Variants in EP300 observed in about 807,000 individuals in gnomAD.
EP300 encodes histone acetyltransferase p300.
In EP300, 31 loss-of-function variants were observed where a neutral mutation model predicts 264.0. The ratio of observed to expected loss-of-function variants is 0.12; its 90% CI spans 0.09 to 0.16. EP300 has a LOEUF of 0.16. Among genes scored for constraint, EP300 ranks in the 10% least tolerant of loss-of-function variants. The pLI is 1.00. For synonymous variants in EP300, 1,340 were observed against 1,045.4 expected, an observed-to-expected ratio of 1.28 and a Z score of -5.44; for missense variants, 2,766 against 3,052.9, an observed-to-expected ratio of 0.91 and a Z score of 2.21.
rs35531014 is a variant in EP300, at chr22:41,136,021, A to G, written c.1622+115A>G. 17,956 of 822,032 alleles carry G rather than the reference A, an allele frequency of 0.022. 255 individuals are homozygous for G. The highest frequency in any genetic ancestry group is 0.027 in the Non-Finnish European group (12,937 of 480,100). 50.9% of individuals were successfully genotyped at this position (822,032 alleles called of 1,614,324 possible). ...GGTTTGAGGATGTCTTTGAATACAG[A>G]TAGATGTTTGAGTCCATTCTTTCTT... On this transcript the variant is annotated intron_variant, in intron 7 of 30. Transcript: ENST00000263253.
intron 1 of EP300, among the ~76,000 whole-genome samples, chr22:41,104,383 C>A (rs540626544): frequency 1.3e-5 from 2 of 151,758 alleles, no homozygotes; most frequent in African/African-American, 2.4e-5. Flanking sequence ...TCTGCCTCCC[C>A]GGTTCAAGTG....
intron 22 of EP300, among the ~76,000 whole-genome samples, chr22:41,165,847 G>A (rs2059131050): frequency 6.6e-6 from 1 of 152,078 alleles, no homozygotes; most frequent in Non-Finnish European, 1.5e-5. Flanking sequence ...TCAGCTCACT[G>A]CAACCTCCAC....
At chr22:41,152,109 T>C (rs2145740214) in intron 15 of EP300, 97 bp downstream of exon 15, 8 of 1,584,930 alleles carry the variant, frequency 5.0e-6, no homozygotes, top group Middle Eastern at 1.7e-4. Context: ...GATAATTAGA[T>C]CTCATGGCAT....
At chr22:41,148,042 C>A in intron 12 of EP300, 96 bp downstream of exon 12, 1 of 862,932 alleles carries the variant, frequency 1.2e-6, no homozygotes, top group Non-Finnish European at 1.8e-6. Flanking sequence ...GTCATTTAAA[C>A]AGACCATAAC....
chr22:41,179,019 GAAAAC>G lies in EP300; in HGVS notation c.*66_*70del, dbSNP rs1156726737. On this transcript the variant is annotated 3_prime_UTR_variant, in exon 31 of 31. Transcript: ENST00000263253. ...TTCTCTTAACAAGACTTTTTGTACT[GAAAAC>G]AATTTTTTTGAATCTTTCGTAGCCT... 2.5e-6 allele frequency: 4 copies of G among 1,592,326 alleles called. No individual in the cohort carries two copies. Among genetic ancestry groups the G allele is most frequent in the Non-Finnish European group, 3.4e-6 (4 of 1,169,224 alleles).
chr22:41,121,470 G>A (rs1031487109), intron 2 of EP300, among the ~76,000 whole-genome samples: 3 of 152,174 alleles, frequency 2.0e-5, no homozygotes, highest in African/African-American at 4.8e-5. Flanking sequence ...TTCCTCAGCA[G>A]ATCTGTGTGG....
rs374709084 is a variant in EP300, at chr22:41,157,451, A to G, written c.3501+43A>G. 65 of 1,599,830 alleles carry G rather than the reference A, an allele frequency of 4.1e-5. No individual in the cohort carries two copies. The African/African-American group carries it at 8.1e-4, about 20-fold the overall frequency. On this transcript the variant is annotated intron_variant, in intron 18 of 30. Coordinates refer to ENST00000263253, the MANE Select transcript of EP300 (RefSeq NM_001429.4). ...GATTTGACTTTAACTTTTCTGGGATACCTAGAATAATATAGTGGTGACTGG... is the reference window on the plus strand; with the variant it reads ...GATTTGACTTTAACTTTTCTGGGATGCCTAGAATAATATAGTGGTGACTGG...
At chr22:41,094,276 CAT>C (rs531257414) in intron 1 of EP300, among the ~76,000 whole-genome samples, 67 of 152,340 alleles carry the variant, frequency 4.4e-4, no homozygotes, top group African/African-American at 1.6e-3. Flanking sequence ...GTCATCCCTC[CAT>C]CTGCCAGTGA....
rs2145726552 is a variant in EP300, at chr22:41,141,222, A to G, written c.2053A>G (p.Asn685Asp). ...MGQPQPGMTS[N>D]GPLPDPSMIR... is the part of the protein sequence containing the mutation. ...ACAGCCGCAACCAGGAATGACTTCT[A>G]GTAAGTGGTTTTTGTTATATTTCTG... is the stretch of plus-strand genomic sequence containing the variant. Residue 685 changes from asparagine to aspartate, a missense_variant and splice_region_variant, in exon 10 of 31, where the codon AAT (asparagine) becomes GAT (aspartate). Asn to Asp is a conservative substitution (Grantham distance 23). Coordinates refer to ENST00000263253, the MANE Select transcript of EP300 (RefSeq NM_001429.4). 6.2e-7 allele frequency: 1 copy of G among 1,613,894 alleles called. No homozygotes were observed. Among genetic ancestry groups the G allele is most frequent in the Non-Finnish European group, 8.5e-7 (1 of 1,179,804 alleles).
At position 41,117,734 on chromosome 22, in the gene EP300, T is replaced by C; in HGVS notation, c.642T>C (p.Ser214=). 1 of 1,614,172 alleles carries C rather than the reference T, an allele frequency of 6.2e-7. No homozygotes were observed. Among genetic ancestry groups the C allele is most frequent in the Non-Finnish European group, 8.5e-7 (1 of 1,180,028 alleles). The change falls in exon 2 of 31, where the codon AGT becomes AGC. Residue 214 remains serine, a synonymous_variant. Coordinates refer to ENST00000263253, the MANE Select transcript of EP300 (RefSeq NM_001429.4). ...AGTACCCAAACCCAGGCATGGGAAG[T>C]GCTGGCAACTTACTGACTGAGCCTC... ...NMQYPNPGMG[S]AGNLLTEPLQ...
At chr22:41,157,021 G>A in intron 17 of EP300, 148 bp from the exon 18 acceptor site, 1 of 882,846 alleles carries the variant, frequency 1.1e-6, no homozygotes, top group Non-Finnish European at 1.8e-6. Flanking sequence ...ATTTAAAGAA[G>A]TGATGGACAT....
chr22:41,099,219 A>T (rs1301504211), intron 1 of EP300, among the ~76,000 whole-genome samples: 2 of 152,068 alleles, frequency 1.3e-5, no homozygotes, highest in Non-Finnish European at 2.9e-5. Flanking sequence ...GCGCAGCACC[A>T]TGCCCGGCTA....
rs1455875880 is a variant in EP300, at chr22:41,178,672, C to G, written c.6961C>G (p.Gln2321Glu). 6.2e-7 allele frequency: 1 copy of G among 1,614,174 alleles called. No homozygotes were observed. Among genetic ancestry groups the G allele is most frequent in the Non-Finnish European group, 8.5e-7 (1 of 1,180,036 alleles). The change falls in exon 31 of 31, where the codon CAG (glutamine) becomes GAG (glutamate). Residue 2321 changes from glutamine (Q) to glutamate (E), a missense_variant. By Grantham distance (29) the Gln-to-Glu change is conservative. Coordinates refer to ENST00000263253, the MANE Select transcript of EP300 (RefSeq NM_001429.4). The stretch of plus-strand genomic sequence containing the variant: ...TGTCCCTTCTCCACGGCCACAGTCC[C>G]AGCCCCCCCACTCCAGTCCTTCCCC... ...QPVPSPRPQS[Q>E]PPHSSPSPRM... is the part of the protein sequence containing the mutation.
intron 1 of EP300, among the ~76,000 whole-genome samples, chr22:41,106,556 C>G (rs905217869): frequency 6.6e-5 from 10 of 152,184 alleles, no homozygotes; most frequent in African/African-American, 2.4e-4. Flanking sequence ...AGCTCCTACT[C>G]ATCCTGTGGA....
chr22:41,095,204 AACTT>A (rs1414843535), intron 1 of EP300, among the ~76,000 whole-genome samples: 2 of 148,152 alleles, frequency 1.3e-5, no homozygotes, highest in Non-Finnish European at 3.0e-5. Flanking sequence ...TCCCTCTGTT[AACTT>A]ACTTCAAGTT....
At chr22:41,104,439 G>A (rs904197852) in intron 1 of EP300, among the ~76,000 whole-genome samples, 24 of 151,962 alleles carry the variant, frequency 1.6e-4, no homozygotes, top group African/African-American at 4.6e-4. Flanking sequence ...ACAGGCGCCC[G>A]CCACCACACC....
intron 1 of EP300, among the ~76,000 whole-genome samples, chr22:41,105,991 A>G (rs1215357658): frequency 1.3e-5 from 2 of 152,010 alleles, no homozygotes; most frequent in East Asian, 3.9e-4. Context: ...TTTTATTTTA[A>G]TTTTCTTAAT....
At chr22:41,145,925 T>C (rs35121045) in intron 10 of EP300, among the ~76,000 whole-genome samples, 11,189 of 151,996 alleles carry the variant, frequency 0.074, 548 homozygotes, top group East Asian at 0.17. Context: ...TATTTTATTT[T>C]TTTAAGAATT....
chr22:41,169,596 A>G lies in EP300; in HGVS notation c.4266A>G (p.Leu1422=). 1 of 1,600,710 alleles carries G rather than the reference A, an allele frequency of 6.2e-7. No homozygotes were observed. Residue 1422 remains leucine (L), a synonymous_variant, in exon 26 of 31, where the codon TTA becomes TTG. Coordinates refer to ENST00000263253, the MANE Select transcript of EP300 (RefSeq NM_001429.4). The stretch of plus-strand genomic sequence containing the variant: ...ATCATGAAATCCTAATTGGATATTT[A>G]GAATATGTCAAGAAATTAGGGTAAG... ...AVYHEILIGY[L]EYVKKLGYTT... is the part of the protein sequence containing the mutation.
Sources: gnomAD v4.1 joint callset for allele counts (sites outside exome capture counted in the v4.1 genomes callset) on GRCh38, gnomAD v4.1.1 for gene constraint, MANE v1.5 for transcripts, NCBI Gene and HGNC (gene_info 2026-07-23, HGNC 2026-07-21) for gene names.